FHAD1: variants seen among roughly 807,000 people sequenced by gnomAD.
The protein encoded by FHAD1 is forkhead associated phosphopeptide binding domain 1, also known as forkhead-associated domain-containing protein 1.
A neutral mutation model predicts 191.3 loss-of-function variants in FHAD1; 146 were observed. The observed-to-expected ratio is 0.76, with a 90% CI of 0.67 to 0.88. The LOEUF (loss-of-function observed/expected upper bound fraction) is 0.88, where lower values mean the gene tolerates loss of function less well. FHAD1 is among the 40% of genes least tolerant of loss of function. FHAD1 has a pLI of 0.00. For synonymous variants in FHAD1, 616 were observed against 672.3 expected (o/e 0.92, Z 1.29); for missense variants, 1,635 against 1,785.8 (o/e 0.92, Z 1.52).
At chr1:15,388,771 T>C (rs2496334) in intron 32 of FHAD1, among the ~76,000 whole-genome samples, 58,722 of 152,018 alleles carry the variant, frequency 0.39, 14,721 homozygotes, top group African/African-American at 0.72. Flanking sequence ...TGGATGCTCG[T>C]AAGTGCTCTT....
At chr1:15,306,155 G>T (rs1670431582) in intron 6 of FHAD1, among the ~76,000 whole-genome samples, 1 of 152,216 alleles carries the variant, frequency 6.6e-6, no homozygotes, top group Admixed American at 6.5e-5. Flanking sequence ...TGGAGCAAAG[G>T]TGACTCTTGT....
chr1:15,381,111 C>A lies in FHAD1; in HGVS notation c.3802-120C>A. On this transcript the variant is annotated intron_variant, in intron 29 of 33. Transcript: ENST00000688493. The surrounding 1 kb of genome is among the most constrained non-coding windows in gnomAD (Gnocchi z 4.6). The stretch of plus-strand genomic sequence containing the variant: ...GCCCCAGTTGCACATCCTTTCAAAG[C>A]ATGTGCGTGTTCTCTGCAATTGCAG... 1 of 693,882 alleles carries A rather than the reference C, an allele frequency of 1.4e-6. No individual in the cohort carries two copies. The highest frequency in any genetic ancestry group is 1.9e-5 in the South Asian group (1 of 52,770). 43.0% of individuals were successfully genotyped at this position (693,882 alleles called of 1,614,324 possible).
intron 3 of FHAD1, among the ~76,000 whole-genome samples, chr1:15,278,331 A>G (rs1048347064): frequency 5.3e-5 from 8 of 152,200 alleles, no homozygotes; most frequent in African/African-American, 1.9e-4. Flanking sequence ...AAGAAGGGCT[A>G]AAAAGGAGGA....
At chr1:15,286,109 A>G in intron 3 of FHAD1, among the ~76,000 whole-genome samples, 1 of 152,260 alleles carries the variant, frequency 6.6e-6, no homozygotes, top group East Asian at 1.9e-4. Flanking sequence ...AAAAAGTTCT[A>G]GAGATCTGTT....
intron 2 of FHAD1, among the ~76,000 whole-genome samples, chr1:15,262,039 C>T (rs1392707337): frequency 6.6e-6 from 1 of 151,972 alleles, no homozygotes; most frequent in Non-Finnish European, 1.5e-5. Context: ...ACACACACAC[C>T]AGTTAATTTC....
At chr1:15,282,633 A>G (rs1321354357) in intron 3 of FHAD1, among the ~76,000 whole-genome samples, 1 of 152,254 alleles carries the variant, frequency 6.6e-6, no homozygotes, top group Non-Finnish European at 1.5e-5. Flanking sequence ...TGAATACCAG[A>G]AGAAACTATT....
chr1:15,254,553 A>G (rs1181985088), intron 2 of FHAD1, among the ~76,000 whole-genome samples: 1 of 152,228 alleles, frequency 6.6e-6, no homozygotes, highest in Admixed American at 6.5e-5. Context: ...TGGAAACAGG[A>G]ACTAATGAGG....
chr1:15,350,032 GAC>G (rs1394954679), intron 19 of FHAD1, among the ~76,000 whole-genome samples: 1 of 152,238 alleles, frequency 6.6e-6, no homozygotes, highest in Non-Finnish European at 1.5e-5. Flanking sequence ...AGGTGGCACA[GAC>G]ACACACGTGC....
At position 15,311,473 on chromosome 1, in the gene FHAD1, C is replaced by G. The variant is rs1013779785; in HGVS notation, c.1040-1584C>G. The stretch of plus-strand genomic sequence containing the variant: ...GGTAGAGACTCAAGCCAAATTCATT[C>G]TAGAGAAAAGGTCACTCTGGTCCCG... On this transcript the variant is annotated intron_variant, in intron 7 of 33. Transcript: ENST00000688493. The surrounding 1 kb of genome is among the most constrained non-coding windows in gnomAD (Gnocchi z 4.1). Among the ~76,000 whole-genome samples the G allele has an allele frequency of 6.6e-6, 1 of 152,202 alleles. No individual in the cohort carries two copies. Among genetic ancestry groups the G allele is most frequent in the Admixed American group, 6.5e-5 (1 of 15,280 alleles).
intron 2 of FHAD1, among the ~76,000 whole-genome samples, chr1:15,269,462 AT>A (rs1370824666): frequency 1.4e-4 from 21 of 152,072 alleles, no homozygotes; most frequent in African/African-American, 5.1e-4. Flanking sequence ...ATGTTTTGGG[AT>A]TTTCCACCTA....
chr1:15,345,307 C>T lies in FHAD1; in HGVS notation c.2239-109C>T, dbSNP rs1037528936. 6.7e-6 allele frequency: 9 copies of T among 1,339,688 alleles called. No homozygotes were observed. The African/African-American group carries it at 8.8e-5, about 13-fold the overall frequency. 83.0% of individuals were successfully genotyped at this position (1,339,688 alleles called of 1,614,324 possible). On this transcript the variant is annotated intron_variant, in intron 17 of 33. Transcript: ENST00000688493. Reference sequence around the variant, plus strand: ...GCTCCAGGGCTGTGCTGTCCACAGTCCCCTAGGGAGGTGTAGTCTGGAGGG... The same window carrying T: ...GCTCCAGGGCTGTGCTGTCCACAGTTCCCTAGGGAGGTGTAGTCTGGAGGG...
chr1:15,285,236 C>T (rs1662012531), intron 3 of FHAD1, among the ~76,000 whole-genome samples: 1 of 152,144 alleles, frequency 6.6e-6, no homozygotes, highest in Non-Finnish European at 1.5e-5. Context: ...AACATGCTTT[C>T]AAAAAACAAA....
rs1005128081 is a variant in FHAD1 at position 15,327,556 on chromosome 1, C to T, written c.1557+414C>T. ...CCTTGCTGTTCTTCCACTACACTTTCTAGCCCCCTGTGTCAAAGCACAGAT... is the reference window on the plus strand; with the variant it reads ...CCTTGCTGTTCTTCCACTACACTTTTTAGCCCCCTGTGTCAAAGCACAGAT... On this transcript the variant is annotated intron_variant, in intron 12 of 33. Transcript: ENST00000688493. This position sits in a 1 kb window ranked among gnomAD's most constrained non-coding sequence, Gnocchi z 5.1. 1.2e-5 allele frequency: 2 copies of T among 165,524 alleles called. No homozygotes were observed. Among genetic ancestry groups the T allele is most frequent in the African/African-American group, 2.4e-5 (1 of 41,682 alleles). The allele number at this position is 165,524 out of a possible 1,614,324, so 10.3% of individuals were successfully genotyped here. A position where few individuals can be genotyped will look rare whatever the true frequency, so the allele number is the denominator to read the frequency against.
Position 15,289,613 on chromosome 1 carries a change from A to C in FHAD1, c.515A>C (p.Glu172Ala). The change falls in exon 4 of 34, where the codon GAG (glutamate) becomes GCG (alanine). Residue 172 changes from glutamate to alanine, a missense_variant. By Grantham distance (107) the Glu-to-Ala change is moderately radical. Coordinates refer to ENST00000688493, the MANE Select transcript of FHAD1 (RefSeq NM_001391957.1). This position sits in a 1 kb window ranked among gnomAD's most constrained non-coding sequence, Gnocchi z 4.2. ...SHRRPVSANK[E>A]MFSFVVDDAR... ...AGGCGGCCTGTGAGCGCCAACAAGG[A>C]GATGTTCTCGTTCGTGGTGGACGAC... 6.4e-7 allele frequency: 1 copy of C among 1,551,560 alleles called. No individual in the cohort carries two copies. The highest frequency in any genetic ancestry group is 2.0e-5 in the Admixed American group (1 of 51,000).
intron 4 of FHAD1, among the ~76,000 whole-genome samples, chr1:15,292,592 A>G (rs1665239245): frequency 6.6e-6 from 1 of 152,106 alleles, no homozygotes; most frequent in African/African-American, 2.4e-5. Flanking sequence ...GCCTTTAAAG[A>G]GGTAATTAAG....
rs1752002 is a variant in FHAD1 at position 15,251,295 on chromosome 1, C to A, written c.-14-476C>A. On this transcript the variant is annotated intron_variant, in intron 1 of 33. Transcript: ENST00000688493. ...TCTCAAAAAAAAAAAACAAAAAAAA[C>A]CACCCATTTTATAGATGAGGAAACT... Among the ~76,000 whole-genome samples, 273 of 42,122 alleles carry A rather than the reference C, an allele frequency of 6.5e-3. 1 individual carries two copies. The highest frequency in any genetic ancestry group is 0.044 in the African/African-American group (210 of 4,824). 27.6% of individuals were successfully genotyped at this position (42,122 alleles called of 152,430 possible).
Position 15,325,551 on chromosome 1 carries a change from CG to C in FHAD1, c.1473+993del, listed in dbSNP as rs1678150505. On this transcript the variant is annotated intron_variant, in intron 11 of 33. Transcript: ENST00000688493. This position sits in a 1 kb window ranked among gnomAD's most constrained non-coding sequence, Gnocchi z 4.6. ...AAATTCAAATATTCACCACTGTAAC[CG>C]CCAGCACCATTTCTCCTGTGGGGGC... The C allele has an allele frequency of 6.6e-6, 1 of 152,588 alleles. No homozygotes were observed. The highest frequency in any genetic ancestry group is 1.5e-5 in the Non-Finnish European group (1 of 68,362). 9.5% of individuals were successfully genotyped at this position (152,588 alleles called of 1,614,324 possible). A position where few individuals can be genotyped will look rare whatever the true frequency, so the allele number is the denominator to read the frequency against.
chr1:15,361,347 C>T (rs146892590), intron 22 of FHAD1, among the ~76,000 whole-genome samples: 1 of 152,304 alleles, frequency 6.6e-6, no homozygotes, highest in Non-Finnish European at 1.5e-5. Context: ...GTCCTCCATC[C>T]ATCAGTTGCC....
intron 18 of FHAD1, 126 bp from the exon 19 acceptor site, chr1:15,348,916 A>G: frequency 1.5e-6 from 1 of 672,764 alleles, no homozygotes; most frequent in Non-Finnish European, 2.5e-6. Flanking sequence ...GCCCAGGTGT[A>G]TTTAATAGCC....
Sources: gnomAD v4.1 joint callset for allele counts (sites outside exome capture counted in the v4.1 genomes callset) on GRCh38, gnomAD v4.1.1 for gene constraint, Gnocchi (gnomAD v3.1) non-coding constraint, MANE v1.5 for transcripts, NCBI Gene and HGNC (gene_info 2026-07-23, HGNC 2026-07-21) for gene names.